Variants in MSH3 observed in about 807,000 individuals in gnomAD.
MSH3 encodes mutS homolog 3.
A neutral mutation model predicts 123.3 loss-of-function variants in MSH3; 106 were observed. That is an observed-to-expected ratio of 0.86 (90% CI 0.73 to 1.01). The LOEUF (loss-of-function observed/expected upper bound fraction) is 1.01, where lower values mean the gene tolerates loss of function less well. Ranked by LOEUF, MSH3 falls within the 50% of genes least tolerant of loss-of-function variation. MSH3 has a pLI of 0.00. For missense variants in MSH3, 1,459 were observed against 1,347.6 expected (o/e 1.08, Z -1.29); for synonymous variants, 515 against 481.4 (o/e 1.07, Z -0.91).
chr5:80,708,290 T>C (rs1712482431), intron 8 of MSH3, among the ~76,000 whole-genome samples: 1 of 152,134 alleles, frequency 6.6e-6, no homozygotes, highest in Non-Finnish European at 1.5e-5. Flanking sequence ...ATATATTAAA[T>C]AGTTGGATTT....
At chr5:80,763,045 C>T (rs1297288074) in intron 13 of MSH3, among the ~76,000 whole-genome samples, 1 of 152,066 alleles carries the variant, frequency 6.6e-6, no homozygotes, top group East Asian at 1.9e-4. Context: ...TGGGGTTTCA[C>T]CACATTGGCC....
chr5:80,682,029 T>A (rs558206888), intron 8 of MSH3, among the ~76,000 whole-genome samples: 1 of 152,250 alleles, frequency 6.6e-6, no homozygotes, highest in Non-Finnish European at 1.5e-5. Context: ...TTTCAATCTT[T>A]GCACTTTTTT....
chr5:80,872,378 A>G (rs1334073796), intron 22 of MSH3, among the ~76,000 whole-genome samples: 1 of 152,140 alleles, frequency 6.6e-6, no homozygotes, highest in Non-Finnish European at 1.5e-5. Context: ...GAGATGGGAT[A>G]ATCACCTTGA....
chr5:80,799,500 C>CCT (rs1744754108), intron 19 of MSH3, among the ~76,000 whole-genome samples: 1 of 32,318 alleles, frequency 3.1e-5, no homozygotes, highest in Admixed American at 5.5e-4. Context: ...GAAGATAGCA[C>CCT]TTTTTTTTTT....
At chr5:80,709,045 G>A (rs531626807) in intron 8 of MSH3, among the ~76,000 whole-genome samples, 1 of 152,022 alleles carries the variant, frequency 6.6e-6, no homozygotes, top group South Asian at 2.1e-4. Context: ...AAAGTGCTGG[G>A]ATTACAGGTG....
intron 12 of MSH3, among the ~76,000 whole-genome samples, chr5:80,753,316 T>C (rs1743869040): frequency 1.3e-5 from 2 of 152,308 alleles, no homozygotes; most frequent in Admixed American, 6.5e-5. Flanking sequence ...TTCTAGGATC[T>C]GCCCAGGTCA....
chr5:80,851,108 T>C (rs1745823428), intron 20 of MSH3, among the ~76,000 whole-genome samples: 1 of 152,192 alleles, frequency 6.6e-6, no homozygotes, highest in Non-Finnish European at 1.5e-5. Context: ...GTTTACTCTT[T>C]CTCTTATTAT....
At chr5:80,798,995 T>A (rs1744746024) in intron 19 of MSH3, among the ~76,000 whole-genome samples, 1 of 152,254 alleles carries the variant, frequency 6.6e-6, no homozygotes. Context: ...TACACAAGTG[T>A]AGTGGGAAAG....
At chr5:80,831,755 A>G (rs944553846) in intron 20 of MSH3, among the ~76,000 whole-genome samples, 1 of 151,954 alleles carries the variant, frequency 6.6e-6, no homozygotes, top group African/African-American at 2.4e-5. Context: ...AGTTTTTAGC[A>G]ACCTGAAGTG....
chr5:80,840,488 A>G (rs1745601738), intron 20 of MSH3, among the ~76,000 whole-genome samples: 4 of 151,636 alleles, frequency 2.6e-5, no homozygotes, highest in Admixed American at 1.3e-4. Context: ...ATCTCAGCTC[A>G]CTGCAAACTC....
chr5:80,822,070 T>C (rs1357716218), intron 20 of MSH3, among the ~76,000 whole-genome samples: 1 of 152,196 alleles, frequency 6.6e-6, no homozygotes, highest in East Asian at 1.9e-4. Context: ...CTAATATTAA[T>C]TACCTGCAAA....
intron 8 of MSH3, among the ~76,000 whole-genome samples, chr5:80,702,211 T>A (rs1750629120): frequency 6.6e-6 from 1 of 152,322 alleles, no homozygotes; most frequent in Admixed American, 6.5e-5. Context: ...GGTGCCATTG[T>A]GACTGCTCCC....
rs185644368 is a variant in MSH3 at position 80,766,951 on chromosome 5, A to G, written c.1897-982A>G. Among the ~76,000 whole-genome samples, 263 of 152,206 alleles carry G rather than the reference A, an allele frequency of 1.7e-3. 2 individuals carry two copies. The highest frequency in any genetic ancestry group is 6.0e-3 in the African/African-American group (250 of 41,550). ...TGTATATCATTTAAAGAATACAAAGAAAGTGTTACCATGTAAATACATAAA... is the reference window on the plus strand; with the variant it reads ...TGTATATCATTTAAAGAATACAAAGGAAGTGTTACCATGTAAATACATAAA... On this transcript the variant is annotated intron_variant, in intron 13 of 23. Transcript: ENST00000265081.
chr5:80,781,622 A>G (rs1055611908), intron 17 of MSH3, among the ~76,000 whole-genome samples: 1 of 151,994 alleles, frequency 6.6e-6, no homozygotes, highest in Non-Finnish European at 1.5e-5. Flanking sequence ...ATGCAGTGCC[A>G]CACCTGGCTA....
At chr5:80,788,415 T>G (rs1022275067) in intron 18 of MSH3, among the ~76,000 whole-genome samples, 1 of 152,138 alleles carries the variant, frequency 6.6e-6, no homozygotes, top group African/African-American at 2.4e-5. Flanking sequence ...CCATCCAGCC[T>G]GGGCAAGAGA....
intron 19 of MSH3, among the ~76,000 whole-genome samples, chr5:80,796,446 A>G (rs970034998): frequency 1.3e-5 from 2 of 151,920 alleles, no homozygotes; most frequent in African/African-American, 4.8e-5. Context: ...AGGAGTTGAT[A>G]TAGAACTGTT....
chr5:80,783,986 G>A (rs1294458143), intron 17 of MSH3, among the ~76,000 whole-genome samples: 1 of 151,926 alleles, frequency 6.6e-6, no homozygotes, highest in Non-Finnish European at 1.5e-5. Flanking sequence ...GAGACAGGTG[G>A]ACTGCTTGAG....
chr5:80,807,190 C>CAAAAAA (rs34405208), intron 19 of MSH3, among the ~76,000 whole-genome samples: 1 of 91,434 alleles, frequency 1.1e-5, no homozygotes, highest in East Asian at 3.1e-4. Context: ...TACCCTGTCT[C>CAAAAAA]AAAAAAAAAA....
At position 80,679,104 on chromosome 5, in the gene MSH3, A is replaced by G. The variant is rs1749909556; in HGVS notation, c.1340+11A>G. The G allele has an allele frequency of 6.2e-7, 1 of 1,613,378 alleles. No homozygotes were observed. Among genetic ancestry groups the G allele is most frequent in the Admixed American group, 1.7e-5 (1 of 59,990 alleles). ...AGCCACATCTGTTAGGTAAGTTGGC[A>G]CATCACTGGAATATAATACCGATTC... On this transcript the variant is annotated intron_variant, in intron 8 of 23. Transcript: ENST00000265081.
Sources: gnomAD v4.1 joint callset for allele counts (sites outside exome capture counted in the v4.1 genomes callset) on GRCh38, gnomAD v4.1.1 for gene constraint, MANE v1.5 for transcripts, NCBI Gene and HGNC (gene_info 2026-07-23, HGNC 2026-07-21) for gene names.